TSPAN9: variants seen among roughly 807,000 people sequenced by gnomAD.
TSPAN9 encodes the protein tetraspanin 9.
In TSPAN9, 16 loss-of-function variants were observed where a neutral mutation model predicts 31.0. That is an observed-to-expected ratio of 0.52 (90% CI 0.35 to 0.78). The LOEUF is 0.78. TSPAN9 is among the 30% of genes least tolerant of loss of function. The pLI is 0.01. For synonymous variants in TSPAN9, 145 were observed against 121.6 expected (o/e 1.19, Z -1.27); for missense variants, 272 against 312.5 (o/e 0.87, Z 0.98).
Position 3,165,666 on chromosome 12 carries a change from C to T in TSPAN9, c.-17-35511C>T, listed in dbSNP as rs116767093. On this transcript the variant is annotated intron_variant, in intron 2 of 8. Transcript: ENST00000011898. Reference sequence around the variant, plus strand: ...GGTCTGCTGGCAGCTGGGAGGGAGGCGCCTCTGCTTGTAAGCTCTCAAGGC... The same window carrying T: ...GGTCTGCTGGCAGCTGGGAGGGAGGTGCCTCTGCTTGTAAGCTCTCAAGGC... 9.5e-3 allele frequency among the ~76,000 whole-genome samples: 1,447 copies of T among 152,208 alleles called. 23 individuals carry two copies. Among genetic ancestry groups the T allele is most frequent in the African/African-American group, 0.033 (1,369 of 41,528 alleles).
chr12:3,281,746 A>G lies in TSPAN9; in HGVS notation c.577A>G (p.Lys193Glu), dbSNP rs1283138172. 1 of 1,612,766 alleles carries G rather than the reference A, an allele frequency of 6.2e-7. No homozygotes were observed. Among genetic ancestry groups the G allele is most frequent in the Non-Finnish European group, 8.5e-7 (1 of 1,178,842 alleles). Residue 193 changes from lysine (K) to glutamate (E), a missense_variant, in exon 8 of 9, where the codon AAG (lysine) becomes GAG (glutamate). By Grantham distance (56) the Lys-to-Glu change is moderately conservative. Coordinates refer to ENST00000011898, the MANE Select transcript of TSPAN9 (RefSeq NM_006675.5). Reference protein sequence around the residue: ...TPLWRTGCYEKVKMWFDDNKH... With the variant: ...TPLWRTGCYEEVKMWFDDNKH... ...CCTCGCTCCCCAGGGCTGCTATGAA[A>G]AGGTGAAGATGTGGTTCGATGACAA...
intron 2 of TSPAN9, among the ~76,000 whole-genome samples, chr12:3,140,406 G>A (rs1383881512): frequency 6.6e-6 from 1 of 152,112 alleles, no homozygotes; most frequent in African/African-American, 2.4e-5. Context: ...TGTGTGGTGC[G>A]AAACAGGTCA....
At chr12:3,109,307 AGTGT>A (rs1555141854) in intron 2 of TSPAN9, among the ~76,000 whole-genome samples, 13 of 143,314 alleles carry the variant, frequency 9.1e-5, no homozygotes, top group Admixed American at 1.4e-4. Context: ...TGTGAGAGAG[AGTGT>A]GTGTGTGTGT....
chr12:3,231,373 C>A (rs1476308208), intron 3 of TSPAN9, among the ~76,000 whole-genome samples: 4 of 152,222 alleles, frequency 2.6e-5, no homozygotes, highest in Non-Finnish European at 4.4e-5. Flanking sequence ...GCTGTCACCA[C>A]TGAAGACATC....
At chr12:3,085,445 C>G (rs190215240) in intron 2 of TSPAN9, among the ~76,000 whole-genome samples, 3 of 151,894 alleles carry the variant, frequency 2.0e-5, no homozygotes, top group South Asian at 2.1e-4. Context: ...GCGTTGAAAC[C>G]CAAGTGAGGG....
intron 2 of TSPAN9, among the ~76,000 whole-genome samples, chr12:3,139,169 TTGG>T (rs1381073185): frequency 1.3e-5 from 2 of 152,196 alleles, no homozygotes; most frequent in Non-Finnish European, 2.9e-5. Flanking sequence ...TGTTTTGCTT[TTGG>T]TGGGGGGCGG....
intron 2 of TSPAN9, among the ~76,000 whole-genome samples, chr12:3,089,002 G>A (rs533196290): frequency 1.6e-4 from 24 of 152,064 alleles, no homozygotes; most frequent in African/African-American, 5.3e-4. Flanking sequence ...GGAGGCCGAT[G>A]CAGGCGGATC....
chr12:3,214,465 C>T (rs1451214199), intron 3 of TSPAN9, among the ~76,000 whole-genome samples: 1 of 152,132 alleles, frequency 6.6e-6, no homozygotes, highest in African/African-American at 2.4e-5. Flanking sequence ...GGGGCTGGGT[C>T]GGGACAGGAG....
intron 2 of TSPAN9, among the ~76,000 whole-genome samples, chr12:3,194,008 C>A (rs1363405719): frequency 6.6e-6 from 1 of 152,214 alleles, no homozygotes; most frequent in Admixed American, 6.5e-5. Context: ...TTTCCAGGAA[C>A]AATTCCATAG....
chr12:3,149,485 G>T (rs752408596), intron 2 of TSPAN9, among the ~76,000 whole-genome samples: 1 of 152,236 alleles, frequency 6.6e-6, no homozygotes, highest in Admixed American at 6.5e-5. Flanking sequence ...TGCAAAGAGA[G>T]AAGTGGTCCT....
At chr12:3,212,717 T>C (rs1290216775) in intron 3 of TSPAN9, among the ~76,000 whole-genome samples, 1 of 152,114 alleles carries the variant, frequency 6.6e-6, no homozygotes, top group Non-Finnish European at 1.5e-5. Context: ...AGTCTTCTAG[T>C]GGGTGCAGGT....
At chr12:3,164,429 C>A (rs576044932) in intron 2 of TSPAN9, among the ~76,000 whole-genome samples, 1 of 152,332 alleles carries the variant, frequency 6.6e-6, no homozygotes, top group African/African-American at 2.4e-5. Context: ...AACAAATCAT[C>A]CTTGATTTGA....
chr12:3,091,687 C>T (rs988644045), intron 2 of TSPAN9, among the ~76,000 whole-genome samples: 8 of 152,332 alleles, frequency 5.3e-5, no homozygotes, highest in Middle Eastern at 3.4e-3. Flanking sequence ...GTGGGCTTAA[C>T]GCGTTTGAAA....
At chr12:3,095,928 C>CG (rs1274586650) in intron 2 of TSPAN9, among the ~76,000 whole-genome samples, 4 of 148,026 alleles carry the variant, frequency 2.7e-5, no homozygotes, top group South Asian at 2.2e-4. Flanking sequence ...ACTTCCCAGA[C>CG]GGGGTGGCGG....
chr12:3,199,720 T>G (rs1455783737), intron 2 of TSPAN9, among the ~76,000 whole-genome samples: 1 of 151,994 alleles, frequency 6.6e-6, no homozygotes, highest in Non-Finnish European at 1.5e-5. Flanking sequence ...GCGCCTTGTG[T>G]GCGCGCCCGT....
intron 2 of TSPAN9, among the ~76,000 whole-genome samples, chr12:3,129,929 C>T (rs551073031): frequency 1.3e-5 from 2 of 152,188 alleles, no homozygotes; most frequent in East Asian, 3.9e-4. Context: ...CCTCCATGCC[C>T]TCTGTGCATT....
rs1761865552 is a variant in TSPAN9, at chr12:3,107,117, G to A, written c.-18+23398G>A. On this transcript the variant is annotated intron_variant, in intron 2 of 8. Transcript: ENST00000011898. The surrounding 1 kb of genome is among the most constrained non-coding windows in gnomAD (Gnocchi z 4.1). ...CGCCACCACCACCACTGCTGCCACC[G>A]CAGAGCACGAAATCATCACGGGGCT... Among the ~76,000 whole-genome samples, 1 of 152,116 alleles carries A rather than the reference G, an allele frequency of 6.6e-6. No individual in the cohort carries two copies. Among genetic ancestry groups the A allele is most frequent in the Admixed American group, 6.6e-5 (1 of 15,264 alleles).
At chr12:3,177,293 A>T (rs2098356279) in intron 2 of TSPAN9, among the ~76,000 whole-genome samples, 1 of 152,004 alleles carries the variant, frequency 6.6e-6, no homozygotes, top group African/African-American at 2.4e-5. Flanking sequence ...GCCTGCCACC[A>T]TGCCCAGCTA....
At position 3,238,383 on chromosome 12, in the gene TSPAN9, C is replaced by G. The variant is rs374706628; in HGVS notation, c.63+37127C>G. The stretch of plus-strand genomic sequence containing the variant: ...ACCCTGGGGACATGTGTCCTGAGCA[C>G]AGTCCGCAGCTGCCAGGGGCCAGCT... On this transcript the variant is annotated intron_variant, in intron 3 of 8. Coordinates refer to ENST00000011898, the MANE Select transcript of TSPAN9 (RefSeq NM_006675.5). Among the ~76,000 whole-genome samples the G allele has an allele frequency of 9.2e-5, 14 of 152,348 alleles. No homozygotes were observed. In the East Asian group the frequency reaches 1.5e-3, roughly 17 times the overall value.
Sources: allele counts gnomAD v4.1 joint callset (sites outside exome capture counted in the v4.1 genomes callset), GRCh38; gene constraint gnomAD v4.1.1; non-coding constraint Gnocchi (gnomAD v3.1); transcripts MANE v1.5; gene names NCBI Gene and HGNC (gene_info 2026-07-23, HGNC 2026-07-21).